The following SSBP3 variants were observed in gnomAD, a reference collection of about 807,000 sequenced individuals.
The protein encoded by SSBP3 is single-stranded DNA-binding protein 3.
In SSBP3, 5 loss-of-function variants were observed where a neutral mutation model predicts 69.6. The observed-to-expected ratio is 0.07, with a 90% CI of 0.04 to 0.15. The LOEUF (loss-of-function observed/expected upper bound fraction) is 0.15. SSBP3 is among the 10% of genes least tolerant of loss of function. The probability of loss-of-function intolerance (pLI) is 1.00; values close to 1 mark genes in which losing one functional copy is unlikely to be tolerated. For synonymous variants in SSBP3, 196 were observed against 193.4 expected (o/e 1.01, Z -0.11); for missense variants, 312 against 534.0 (o/e 0.58, Z 4.10).
chr1:54,375,007 A>G (rs1307499596), intron 4 of SSBP3, among the ~76,000 whole-genome samples: 2 of 152,150 alleles, frequency 1.3e-5, no homozygotes, highest in African/African-American at 4.8e-5. Context: ...TTGGCTCCCA[A>G]TCTGTAACCT....
chr1:54,391,081 G>C (rs1648456757), intron 4 of SSBP3, among the ~76,000 whole-genome samples: 3 of 152,238 alleles, frequency 2.0e-5, no homozygotes, highest in Admixed American at 2.0e-4. Flanking sequence ...AGCCTCTTAG[G>C]TGGAGGTTTT....
At chr1:54,324,278 A>G (rs1170800826) in intron 4 of SSBP3, among the ~76,000 whole-genome samples, 1 of 152,148 alleles carries the variant, frequency 6.6e-6, no homozygotes, top group Non-Finnish European at 1.5e-5. Flanking sequence ...CTTTACAACA[A>G]AATCCCTCTT....
At chr1:54,250,248 A>G (rs622808) in intron 9 of SSBP3, among the ~76,000 whole-genome samples, 22,956 of 152,232 alleles carry the variant, frequency 0.15, 1,901 homozygotes, top group South Asian at 0.26. Flanking sequence ...TGGAGCTGCA[A>G]CTGCTGTGGG....
At chr1:54,313,218 G>A (rs1569760668) in intron 4 of SSBP3, among the ~76,000 whole-genome samples, 1 of 152,078 alleles carries the variant, frequency 6.6e-6, no homozygotes, top group East Asian at 1.9e-4. Flanking sequence ...GACCAATCGG[G>A]GTAATCAATC....
chr1:54,227,677 A>G (rs1381197185), intron 17 of SSBP3, among the ~76,000 whole-genome samples: 1 of 152,164 alleles, frequency 6.6e-6, no homozygotes. Flanking sequence ...TCCTGGGCTC[A>G]AGCAATCCTC....
intron 4 of SSBP3, among the ~76,000 whole-genome samples, chr1:54,388,050 C>T (rs1648215191): frequency 6.6e-6 from 1 of 152,218 alleles, no homozygotes; most frequent in Non-Finnish European, 1.5e-5. Context: ...CTACATGTCA[C>T]TGGCTTTTAA....
chr1:54,402,179 C>T (rs1004243689), intron 3 of SSBP3, among the ~76,000 whole-genome samples: 21 of 152,160 alleles, frequency 1.4e-4, no homozygotes, highest in African/African-American at 4.1e-4. Context: ...TACTACATGC[C>T]GGATGCTTCA....
chr1:54,259,738 G>GT (rs1557470597), intron 5 of SSBP3, among the ~76,000 whole-genome samples: 1 of 152,198 alleles, frequency 6.6e-6, no homozygotes, highest in African/African-American at 2.4e-5. Flanking sequence ...CATCGCAGGG[G>GT]GCTGTACAAG....
intron 4 of SSBP3, among the ~76,000 whole-genome samples, chr1:54,390,952 C>T (rs989186606): frequency 6.6e-6 from 1 of 152,262 alleles, no homozygotes; most frequent in Non-Finnish European, 1.5e-5. Context: ...GGCCTGCCCA[C>T]TGGGCCATCT....
At chr1:54,279,426 G>A (rs1645351296) in intron 5 of SSBP3, among the ~76,000 whole-genome samples, 1 of 152,224 alleles carries the variant, frequency 6.6e-6, no homozygotes, top group Non-Finnish European at 1.5e-5. Flanking sequence ...CACAGATCAG[G>A]CAGACCTGAG....
chr1:54,267,470 G>GAGAT (rs1402175513), intron 5 of SSBP3, among the ~76,000 whole-genome samples: 1 of 152,226 alleles, frequency 6.6e-6, no homozygotes, highest in Non-Finnish European at 1.5e-5. Flanking sequence ...AATAGAGGCA[G>GAGAT]AGATACCAGT....
chr1:54,332,543 G>C (rs1646436306), intron 4 of SSBP3, among the ~76,000 whole-genome samples: 1 of 152,210 alleles, frequency 6.6e-6, no homozygotes, highest in Non-Finnish European at 1.5e-5. Context: ...CCTGGCCCCA[G>C]TCACTAGGGC....
chr1:54,332,949 T>C (rs3845308), intron 4 of SSBP3, among the ~76,000 whole-genome samples: 55,634 of 152,014 alleles, frequency 0.37, 13,401 homozygotes, highest in African/African-American at 0.66. Flanking sequence ...CACACACGCG[T>C]GCGCCTCCTC....
chr1:54,272,176 G>C (rs1288821268), intron 5 of SSBP3, among the ~76,000 whole-genome samples: 3 of 152,198 alleles, frequency 2.0e-5, no homozygotes, highest in African/African-American at 7.2e-5. Flanking sequence ...GTTTCAGGGA[G>C]AGGTTGCCTG....
intron 6 of SSBP3, among the ~76,000 whole-genome samples, chr1:54,257,771 G>A (rs1237947278): frequency 6.6e-6 from 1 of 152,044 alleles, no homozygotes; most frequent in Non-Finnish European, 1.5e-5. Context: ...AACAAATGGT[G>A]AACCAAACTC....
intron 4 of SSBP3, among the ~76,000 whole-genome samples, chr1:54,375,891 C>T (rs1440888260): frequency 6.6e-6 from 1 of 152,070 alleles, no homozygotes; most frequent in Non-Finnish European, 1.5e-5. Context: ...CATCCGCTGC[C>T]CAGGGGGGCC....
chr1:54,322,788 C>T (rs867521424), intron 4 of SSBP3, among the ~76,000 whole-genome samples: 2 of 152,140 alleles, frequency 1.3e-5, no homozygotes, highest in African/African-American at 2.4e-5. Context: ...TCCACTTATG[C>T]GTCAGGTGTT....
chr1:54,281,171 G>A (rs887438569), intron 5 of SSBP3, among the ~76,000 whole-genome samples: 16 of 152,302 alleles, frequency 1.1e-4, no homozygotes, highest in Non-Finnish European at 1.8e-4. Context: ...AGACTGTGTC[G>A]CGCCTACGAA....
intron 4 of SSBP3, among the ~76,000 whole-genome samples, chr1:54,301,077 C>T (rs923116254): frequency 6.6e-6 from 1 of 152,194 alleles, no homozygotes; most frequent in African/African-American, 2.4e-5. Context: ...CCCCCTTCAA[C>T]AACCCTGCAG....
Sources: allele counts gnomAD v4.1 joint callset (sites outside exome capture counted in the v4.1 genomes callset), GRCh38; gene constraint gnomAD v4.1.1; transcripts MANE v1.5; gene names NCBI Gene and HGNC (gene_info 2026-07-23, HGNC 2026-07-21).